The following ADARB2 variants were observed in gnomAD, a reference collection of about 807,000 sequenced individuals.
ADARB2 encodes inactive double-stranded RNA-specific editase B2.
In ADARB2, 25 loss-of-function variants were observed where a neutral mutation model predicts 62.2. The observed-to-expected ratio is 0.40, with a 90% CI of 0.29 to 0.56. ADARB2 has a LOEUF of 0.56. Among genes scored for constraint, ADARB2 ranks in the 20% least tolerant of loss-of-function variants. The pLI is 0.43. For missense variants in ADARB2, 1,071 were observed against 1,077.4 expected, an observed-to-expected ratio of 0.99 and a Z score of 0.08; for synonymous variants, 572 against 500.8, an observed-to-expected ratio of 1.14 and a Z score of -1.90.
In ADARB2 at chr10:1,453,226, T is replaced by C. The variant is rs189104979; in HGVS notation, c.101-74066A>G. Among the ~76,000 whole-genome samples the C allele has an allele frequency of 9.1e-3, 1,380 of 152,346 alleles. 24 individuals are homozygous for C. Among genetic ancestry groups the C allele is most frequent in the African/African-American group, 0.031 (1,308 of 41,578 alleles). On this transcript the variant is annotated intron_variant, in intron 1 of 9. Coordinates refer to ENST00000381312, the MANE Select transcript of ADARB2 (RefSeq NM_018702.4). ...AAAAACCAAGTAAATCATGGGCTTT[T>C]CCCTTTGCTGATTGTGCCCTTTGAT...
chr10:1,295,677 T>A (rs1564249656), intron 3 of ADARB2, among the ~76,000 whole-genome samples: 1 of 152,204 alleles, frequency 6.6e-6, no homozygotes. Flanking sequence ...AATAGCAGAA[T>A]GCATGAAGGG....
At chr10:1,682,513 T>C (rs1834550979) in intron 1 of ADARB2, among the ~76,000 whole-genome samples, 1 of 152,122 alleles carries the variant, frequency 6.6e-6, no homozygotes, top group Non-Finnish European at 1.5e-5. Context: ...GGGTATTGGG[T>C]AGTCTCTTTG....
intron 3 of ADARB2, among the ~76,000 whole-genome samples, chr10:1,296,784 A>G (rs1329341634): frequency 1.3e-5 from 2 of 152,216 alleles, no homozygotes; most frequent in African/African-American, 2.4e-5. Context: ...ATGGGAGAGT[A>G]GTTTTTAGCC....
chr10:1,552,911 C>T (rs1199936096), intron 1 of ADARB2, among the ~76,000 whole-genome samples: 1 of 95,666 alleles, frequency 1.0e-5, no homozygotes, highest in East Asian at 5.1e-4. Context: ...TGGAACGGAA[C>T]CCTTAATTAA....
intron 1 of ADARB2, among the ~76,000 whole-genome samples, chr10:1,660,608 T>G (rs909696153): frequency 6.6e-6 from 1 of 152,128 alleles, no homozygotes; most frequent in Non-Finnish European, 1.5e-5. Flanking sequence ...AAGGGTGGAT[T>G]TGTCTTATAA....
chr10:1,285,558 C>T lies in ADARB2; in HGVS notation c.1078-14489G>A, dbSNP rs188462139. On this transcript the variant is annotated intron_variant, in intron 3 of 9. Coordinates refer to ENST00000381312, the MANE Select transcript of ADARB2 (RefSeq NM_018702.4). ...CACAATAGTGATAACCAGGTGCTTC[C>T]AGCTCCAGGGTTAAGTGGGGAGTTG... Among the ~76,000 whole-genome samples the T allele has an allele frequency of 3.7e-3, 565 of 152,270 alleles. 6 individuals carry two copies. Among genetic ancestry groups the T allele is most frequent in the African/African-American group, 0.012 (478 of 41,530 alleles).
intron 5 of ADARB2, among the ~76,000 whole-genome samples, chr10:1,234,679 C>T (rs907101789): frequency 1.0e-4 from 15 of 146,712 alleles, no homozygotes; most frequent in Admixed American, 2.0e-4. Flanking sequence ...TGAGCTCAAG[C>T]GATCCACTTG....
intron 3 of ADARB2, among the ~76,000 whole-genome samples, chr10:1,298,589 T>C (rs1831544451): frequency 6.6e-6 from 1 of 152,144 alleles, no homozygotes; most frequent in Non-Finnish European, 1.5e-5. Context: ...AAGGGCCTCT[T>C]TTTTGGAAGA....
At chr10:1,706,312 A>G (rs1398430469) in intron 1 of ADARB2, among the ~76,000 whole-genome samples, 1 of 152,238 alleles carries the variant, frequency 6.6e-6, no homozygotes, top group Non-Finnish European at 1.5e-5. Context: ...CATTCCATGC[A>G]TGAAAAATGG....
At chr10:1,297,085 T>C (rs1831530003) in intron 3 of ADARB2, among the ~76,000 whole-genome samples, 1 of 152,238 alleles carries the variant, frequency 6.6e-6, no homozygotes, top group South Asian at 2.1e-4. Context: ...CCTCCAAATT[T>C]AGGTCTACCC....
At chr10:1,695,629 G>A (rs1406864438) in intron 1 of ADARB2, among the ~76,000 whole-genome samples, 1 of 152,174 alleles carries the variant, frequency 6.6e-6, no homozygotes, top group African/African-American at 2.4e-5. Context: ...GTGAGAGTGT[G>A]TGCATGTATA....
At chr10:1,416,691 G>C (rs1832804844) in intron 1 of ADARB2, among the ~76,000 whole-genome samples, 1 of 152,244 alleles carries the variant, frequency 6.6e-6, no homozygotes, top group Admixed American at 6.5e-5. Context: ...CACCACCCTT[G>C]TGGGGTCTGG....
At chr10:1,295,139 T>C (rs1435998532) in intron 3 of ADARB2, among the ~76,000 whole-genome samples, 1 of 152,228 alleles carries the variant, frequency 6.6e-6, no homozygotes, top group Non-Finnish European at 1.5e-5. Context: ...AAGGCCTTTC[T>C]GTTTGAGGTC....
intron 7 of ADARB2, among the ~76,000 whole-genome samples, chr10:1,214,598 T>G (rs1040909665): frequency 1.3e-5 from 2 of 152,276 alleles, no homozygotes; most frequent in Non-Finnish European, 2.9e-5. Flanking sequence ...CCACCATCTA[T>G]GGATGTTGAA....
At position 1,270,903 on chromosome 10, in the gene ADARB2, T is replaced by C. The variant is rs1441409579; in HGVS notation, c.1192+52A>G. The C allele has an allele frequency of 2.6e-6, 4 of 1,517,208 alleles. No individual in the cohort carries two copies. In the Admixed American group the frequency reaches 7.1e-5, roughly 27 times the overall value. 94.0% of individuals were successfully genotyped at this position (1,517,208 alleles called of 1,614,324 possible). A position where few individuals can be genotyped will look rare whatever the true frequency, so the allele number is the denominator to read the frequency against. On this transcript the variant is annotated intron_variant, in intron 4 of 9. Transcript: ENST00000381312. Reference sequence around the variant, plus strand: ...GCCTCCAAGATCAGGTAGATGCTAATGCTCCTTTCTTTAGAGATGAAAATG... The same window carrying C: ...GCCTCCAAGATCAGGTAGATGCTAACGCTCCTTTCTTTAGAGATGAAAATG...
intron 3 of ADARB2, among the ~76,000 whole-genome samples, chr10:1,319,869 T>A (rs1831780056): frequency 6.6e-6 from 1 of 152,234 alleles, no homozygotes; most frequent in Admixed American, 6.5e-5. Context: ...AATATAAATA[T>A]TTCCTTTGTA....
intron 1 of ADARB2, among the ~76,000 whole-genome samples, chr10:1,614,893 A>C (rs1306830575): frequency 1.3e-5 from 2 of 148,638 alleles, no homozygotes; most frequent in African/African-American, 5.0e-5. Flanking sequence ...TATGGGTGAC[A>C]GAGCGAGACT....
intron 8 of ADARB2, among the ~76,000 whole-genome samples, chr10:1,188,992 TCCA>T (rs1836801660): frequency 6.6e-6 from 1 of 152,148 alleles, no homozygotes; most frequent in African/African-American, 2.4e-5. Flanking sequence ...GTGCCCAGGC[TCCA>T]GGAGGGCCAT....
intron 1 of ADARB2, among the ~76,000 whole-genome samples, chr10:1,613,851 C>T (rs536089723): frequency 5.9e-5 from 9 of 152,284 alleles, no homozygotes; most frequent in African/African-American, 9.6e-5. Context: ...TAAATGTGCG[C>T]GGGAAGCACG....
Sources: gnomAD v4.1 joint callset for allele counts (sites outside exome capture counted in the v4.1 genomes callset) on GRCh38, gnomAD v4.1.1 for gene constraint, MANE v1.5 for transcripts, NCBI Gene and HGNC (gene_info 2026-07-23, HGNC 2026-07-21) for gene names.